USP46: variants seen among roughly 807,000 people sequenced by gnomAD.
USP46 encodes ubiquitin carboxyl-terminal hydrolase 46.
In USP46, 12 loss-of-function variants were observed where a neutral mutation model predicts 44.4. The ratio of observed to expected loss-of-function variants is 0.27; its 90% CI spans 0.17 to 0.44. The LOEUF is 0.44. Ranked by LOEUF, USP46 falls within the 20% of genes least tolerant of loss-of-function variation. The pLI is 1.00. For missense variants in USP46, 248 were observed against 444.8 expected, an observed-to-expected ratio of 0.56 and a Z score of 3.98; for synonymous variants, 155 against 161.5, an observed-to-expected ratio of 0.96 and a Z score of 0.31.
rs895567339 is a variant in USP46 at position 52,590,968 on chromosome 4, CAA to C, written c.*6670_*6671del. 1.3e-5 allele frequency: 2 copies of C among 152,180 alleles called. No homozygotes were observed. The highest frequency in any genetic ancestry group is 1.5e-5 in the Non-Finnish European group (1 of 68,022). 9.4% of individuals were successfully genotyped at this position (152,180 alleles called of 1,614,324 possible). On this transcript the variant is annotated 3_prime_UTR_variant, in exon 9 of 9. Transcript: ENST00000441222. ...ACAATATACTGAAGCCATTTCTCTT[CAA>C]AGAGTTTTCAAACAATTTATTTCAC...
Position 52,610,540 on chromosome 4 carries a change from C to T in USP46, c.638+1G>A, listed in dbSNP as rs1345924406. The stretch of plus-strand genomic sequence containing the variant: ...CTCAAACTGCCTCAGAGTTCATATA[C>T]CTTAGACAGTGGGTAATGGATGTAT... On this transcript the variant is annotated splice_donor_variant, in intron 5 of 8. Coordinates refer to ENST00000441222, the MANE Select transcript of USP46 (RefSeq NM_022832.4). LOFTEE classifies it high-confidence loss of function. 1 of 1,613,730 alleles carries T rather than the reference C, an allele frequency of 6.2e-7. No homozygotes were observed. The highest frequency in any genetic ancestry group is 8.5e-7 in the Non-Finnish European group (1 of 1,179,760).
At chr4:52,640,676 C>T (rs1025439106) in intron 1 of USP46, among the ~76,000 whole-genome samples, 1 of 151,628 alleles carries the variant, frequency 6.6e-6, no homozygotes, top group African/African-American at 2.4e-5. Context: ...CATGGTGGCA[C>T]ATGCCTGTAG....
At chr4:52,620,791 G>A (rs1717346431) in intron 4 of USP46, among the ~76,000 whole-genome samples, 1 of 152,188 alleles carries the variant, frequency 6.6e-6, no homozygotes, top group Admixed American at 6.5e-5. Context: ...GAGAAAATGG[G>A]TTCAGGTGCA....
intron 1 of USP46, among the ~76,000 whole-genome samples, chr4:52,633,399 G>A (rs1018061212): frequency 2.0e-4 from 30 of 152,146 alleles, no homozygotes; most frequent in African/African-American, 6.5e-4. Context: ...GTTGGGGAGT[G>A]CTCACTGCCT....
chr4:52,652,271 C>A (rs779023995), intron 1 of USP46, among the ~76,000 whole-genome samples: 5 of 152,152 alleles, frequency 3.3e-5, no homozygotes, highest in Non-Finnish European at 7.3e-5. Flanking sequence ...GCAACTGGAA[C>A]CCCCAAACGC....
intron 4 of USP46, among the ~76,000 whole-genome samples, chr4:52,616,960 C>A (rs117493252): frequency 0.012 from 1,786 of 152,252 alleles, 27 homozygotes; most frequent in East Asian, 0.05. Context: ...AAATTTGTAG[C>A]ATGCAGCTAA....
rs1026355236 is a variant in USP46, at chr4:52,595,000, T to C, written c.*2640A>G. ...CTGTGCCATAACCTAGAGGCTAAAC[T>C]AGTAAGTAACCAATAAAGCAAATGT... On this transcript the variant is annotated 3_prime_UTR_variant, in exon 9 of 9. Transcript: ENST00000441222. 4 of 152,404 alleles carry C rather than the reference T, an allele frequency of 2.6e-5. No individual in the cohort carries two copies. Among genetic ancestry groups the C allele is most frequent in the African/African-American group, 9.7e-5 (4 of 41,436 alleles). 9.4% of individuals were successfully genotyped at this position (152,404 alleles called of 1,614,324 possible). A position where few individuals can be genotyped will look rare whatever the true frequency, so the allele number is the denominator to read the frequency against.
chr4:52,613,473 C>T (rs1471167178), intron 4 of USP46, among the ~76,000 whole-genome samples: 2 of 152,018 alleles, frequency 1.3e-5, no homozygotes, highest in South Asian at 2.1e-4. Context: ...CCTGTAATTC[C>T]AGCACTTTGG....
At chr4:52,635,582 C>A (rs975541515) in intron 1 of USP46, among the ~76,000 whole-genome samples, 1 of 152,146 alleles carries the variant, frequency 6.6e-6, no homozygotes, top group Non-Finnish European at 1.5e-5. Flanking sequence ...TAGACAGGGA[C>A]TCCCCCAACT....
intron 5 of USP46, among the ~76,000 whole-genome samples, chr4:52,607,179 A>T (rs577783538): frequency 1.3e-5 from 2 of 152,358 alleles, no homozygotes; most frequent in African/African-American, 4.8e-5. Flanking sequence ...GTGGAAATAT[A>T]GCAGAAGTTA....
intron 1 of USP46, among the ~76,000 whole-genome samples, chr4:52,641,221 TGG>T (rs1372953983): frequency 1.3e-5 from 2 of 152,072 alleles, no homozygotes; most frequent in Non-Finnish European, 2.9e-5. Flanking sequence ...GTACCGATCT[TGG>T]GGGGTAAATC....
intron 1 of USP46, among the ~76,000 whole-genome samples, chr4:52,652,484 T>C (rs1718804156): frequency 6.6e-6 from 1 of 152,158 alleles, no homozygotes. Context: ...CACTCACAAA[T>C]TTGTAAACCT....
At chr4:52,626,280 G>T in intron 3 of USP46, 33 bp from the exon 4 acceptor site, 1 of 1,568,462 alleles carries the variant, frequency 6.4e-7, no homozygotes, top group South Asian at 1.2e-5. Context: ...TTCAGTCTCT[G>T]GTTCTTGAAA....
At position 52,591,334 on chromosome 4, in the gene USP46, G is replaced by A. The variant is rs764738699; in HGVS notation, c.*6306C>T. The A allele has an allele frequency of 2.0e-5, 3 of 152,118 alleles. No homozygotes were observed. Among genetic ancestry groups the A allele is most frequent in the Non-Finnish European group, 2.9e-5 (2 of 68,006 alleles). 9.4% of individuals were successfully genotyped at this position (152,118 alleles called of 1,614,324 possible). On this transcript the variant is annotated 3_prime_UTR_variant, in exon 9 of 9. Transcript: ENST00000441222. ...AAGTTATTTTGCTTCTGGTCAAGTC[G>A]GATACAAGTCTGAGTTTTCTTTTCA...
intron 6 of USP46, among the ~76,000 whole-genome samples, chr4:52,602,456 A>G (rs1043903826): frequency 2.0e-5 from 3 of 152,224 alleles, no homozygotes; most frequent in African/African-American, 7.2e-5. Flanking sequence ...GACAAGGTAG[A>G]TGATGCCGAC....
At chr4:52,648,408 A>G (rs1443322005) in intron 1 of USP46, among the ~76,000 whole-genome samples, 3 of 152,236 alleles carry the variant, frequency 2.0e-5, no homozygotes, top group Non-Finnish European at 4.4e-5. Context: ...TTAGAAAAGC[A>G]TAAAATTAGC....
intron 2 of USP46, among the ~76,000 whole-genome samples, chr4:52,628,943 G>A (rs768868183): frequency 9.9e-5 from 15 of 152,168 alleles, no homozygotes; most frequent in Non-Finnish European, 1.0e-4. Context: ...TTATTAAAGA[G>A]GGAAAACGTC....
intron 1 of USP46, among the ~76,000 whole-genome samples, chr4:52,649,352 A>G (rs913822738): frequency 3.3e-5 from 5 of 152,358 alleles, no homozygotes; most frequent in African/African-American, 1.2e-4. Flanking sequence ...ATGCTCCCCA[A>G]AAAGCTTTAA....
chr4:52,632,320 A>T (rs1717860801), intron 1 of USP46, among the ~76,000 whole-genome samples: 3 of 152,168 alleles, frequency 2.0e-5, no homozygotes, highest in Admixed American at 6.5e-5. Flanking sequence ...CTAAGACCTG[A>T]ATGAGTCTTC....
Sources: allele counts gnomAD v4.1 joint callset (sites outside exome capture counted in the v4.1 genomes callset), GRCh38; gene constraint gnomAD v4.1.1; transcripts MANE v1.5; gene names NCBI Gene and HGNC (gene_info 2026-07-23, HGNC 2026-07-21).